Variants in MPP7 observed in about 807,000 individuals in gnomAD.
MPP7 encodes the protein MAGUK p55 subfamily member 7.
Under a neutral mutation model 76.5 loss-of-function variants are expected in MPP7, and 60 were observed. That is an observed-to-expected ratio of 0.78 (90% CI 0.64 to 0.97). MPP7 has a LOEUF of 0.97. Ranked by LOEUF, MPP7 falls within the 50% of genes least tolerant of loss-of-function variation. The probability of loss-of-function intolerance (pLI) is 0.00; values close to 1 mark genes in which losing one functional copy is unlikely to be tolerated. For synonymous variants in MPP7, 237 were observed against 244.5 expected (o/e 0.97, Z 0.29); for missense variants, 641 against 694.0 (o/e 0.92, Z 0.86).
At chr10:28,163,852 A>G (rs1204727676) in intron 3 of MPP7, among the ~76,000 whole-genome samples, 1 of 149,780 alleles carries the variant, frequency 6.7e-6, no homozygotes, top group Non-Finnish European at 1.5e-5. Flanking sequence ...CGGAGATCGC[A>G]GTGAGCCGAG....
intron 3 of MPP7, among the ~76,000 whole-genome samples, chr10:28,200,076 T>C (rs1837720455): frequency 6.6e-6 from 1 of 152,182 alleles, no homozygotes. Context: ...CCTTCAGCTC[T>C]ACCAAGATTT....
chr10:28,119,028 G>T, intron 11 of MPP7: 1 of 985,342 alleles, frequency 1.0e-6, no homozygotes, highest in Non-Finnish European at 1.2e-6. Context: ...GAGCTGGGTG[G>T]TGGGAAATAA....
chr10:28,240,658 T>C (rs1268742978), intron 1 of MPP7, among the ~76,000 whole-genome samples: 1 of 152,102 alleles, frequency 6.6e-6, no homozygotes, highest in Non-Finnish European at 1.5e-5. Context: ...TATGGAGCTG[T>C]TTTTTCTAAC....
intron 1 of MPP7, among the ~76,000 whole-genome samples, chr10:28,245,882 G>C (rs1839417645): frequency 7.0e-6 from 1 of 143,472 alleles, no homozygotes; most frequent in Non-Finnish European, 1.5e-5. Flanking sequence ...CAGCAGACTT[G>C]ATCAAGCAGA....
intron 11 of MPP7, among the ~76,000 whole-genome samples, chr10:28,095,194 C>T (rs10563132): frequency 4.6e-5 from 6 of 130,852 alleles, no homozygotes; most frequent in East Asian, 5.4e-4. Context: ...CACACATATG[C>T]ATATATATAT....
At chr10:28,188,491 A>C (rs1837306595) in intron 3 of MPP7, among the ~76,000 whole-genome samples, 1 of 152,166 alleles carries the variant, frequency 6.6e-6, no homozygotes. Flanking sequence ...TAGACAAAGG[A>C]CTTTTCCATT....
intron 3 of MPP7, among the ~76,000 whole-genome samples, chr10:28,164,886 C>T (rs1158699649): frequency 1.3e-5 from 2 of 152,112 alleles, no homozygotes; most frequent in Non-Finnish European, 2.9e-5. Context: ...GATGGTTACA[C>T]TAAAAGCCCA....
At chr10:28,271,923 C>T (rs1343644377) in intron 1 of MPP7, among the ~76,000 whole-genome samples, 1 of 151,970 alleles carries the variant, frequency 6.6e-6, no homozygotes, top group African/African-American at 2.4e-5. Flanking sequence ...TGCAGTGAGC[C>T]GAGACCATGC....
chr10:28,180,190 GACTCTAAGAA>G (rs1278217064), intron 3 of MPP7, among the ~76,000 whole-genome samples: 1 of 152,168 alleles, frequency 6.6e-6, no homozygotes, highest in Non-Finnish European at 1.5e-5. Context: ...TGAAACAGGG[GACTCTAAGAA>G]CAATGTAGAT....
chr10:28,316,973 T>C (rs1834329891), intron 2 of MPP7, among the ~76,000 whole-genome samples: 1 of 152,084 alleles, frequency 6.6e-6, no homozygotes, highest in South Asian at 2.1e-4. Flanking sequence ...TGTGGGAGAA[T>C]CCTGCTGCTG....
chr10:28,310,023 A>AG (rs1357764939), intron 2 of MPP7, among the ~76,000 whole-genome samples: 1 of 68,740 alleles, frequency 1.5e-5, no homozygotes, highest in Non-Finnish European at 2.9e-5. Context: ...TTTTTTTTAA[A>AG]CGGAGTCTTG....
chr10:28,214,924 A>C (rs1240406629), intron 2 of MPP7, among the ~76,000 whole-genome samples: 1 of 152,140 alleles, frequency 6.6e-6, no homozygotes, highest in East Asian at 1.9e-4. Context: ...CCTGGGGGTA[A>C]CATCACTATT....
chr10:28,188,612 T>C (rs370899194), intron 3 of MPP7, among the ~76,000 whole-genome samples: 2 of 152,100 alleles, frequency 1.3e-5, no homozygotes, highest in African/African-American at 2.4e-5. Context: ...AGGACCAAAA[T>C]AGTAAGCAAA....
At chr10:28,273,001 T>G (rs745389461) in intron 1 of MPP7, among the ~76,000 whole-genome samples, 15 of 152,136 alleles carry the variant, frequency 9.9e-5, no homozygotes, top group Non-Finnish European at 1.8e-4. Flanking sequence ...CAATGCAACT[T>G]CCACTCCTGG....
In MPP7 at chr10:28,204,462, T is replaced by A. The variant is rs867097623; in HGVS notation, c.38-2191A>T. Among the ~76,000 whole-genome samples, 1,075 of 113,072 alleles carry A rather than the reference T, an allele frequency of 9.5e-3. 5 individuals are homozygous for A. Among genetic ancestry groups the A allele is most frequent in the Non-Finnish European group, 0.014 (760 of 55,436 alleles). The allele number at this position is 113,072 out of a possible 152,430, so 74.2% of individuals were successfully genotyped here. On this transcript the variant is annotated intron_variant, in intron 2 of 16. Coordinates refer to ENST00000683449, the MANE Select transcript of MPP7 (RefSeq NM_001318170.2). ...CGTCTCAAAAAAAAAAAAAAAAAAA[T>A]GCATAGCACTAAATACGCAAACACA...
chr10:28,101,357 C>T (rs1325380224), intron 11 of MPP7, among the ~76,000 whole-genome samples: 1 of 152,044 alleles, frequency 6.6e-6, no homozygotes, highest in East Asian at 1.9e-4. Context: ...GGAATATTTA[C>T]TGGATTTATA....
chr10:28,244,720 G>C (rs530172998), intron 1 of MPP7, among the ~76,000 whole-genome samples: 261 of 152,224 alleles, frequency 1.7e-3, no homozygotes, highest in Middle Eastern at 3.4e-3. Flanking sequence ...ATCCCCAGGC[G>C]AAGAGACCCA....
At chr10:28,119,830 G>C in intron 10 of MPP7, 115 bp from the exon 11 acceptor site, 2 of 754,404 alleles carry the variant, frequency 2.7e-6, no homozygotes, top group Non-Finnish European at 4.3e-6. Context: ...AAAAATGAAT[G>C]TAATGCAATA....
At chr10:28,212,412 C>A (rs187138263) in intron 2 of MPP7, among the ~76,000 whole-genome samples, 7 of 152,212 alleles carry the variant, frequency 4.6e-5, no homozygotes, top group Non-Finnish European at 5.9e-5. Context: ...GTTGCCATCA[C>A]CTATAATGGG....
Sources: gnomAD v4.1 joint callset for allele counts (sites outside exome capture counted in the v4.1 genomes callset) on GRCh38, gnomAD v4.1.1 for gene constraint, MANE v1.5 for transcripts, NCBI Gene and HGNC (gene_info 2026-07-23, HGNC 2026-07-21) for gene names.